Variants in FLYWCH1 observed in about 807,000 individuals in gnomAD.
FLYWCH1 encodes the protein FLYWCH-type zinc finger-containing protein 1.
A neutral mutation model predicts 66.4 loss-of-function variants in FLYWCH1; 75 were observed. The ratio of observed to expected loss-of-function variants is 1.13; its 90% CI spans 0.94 to 1.37. The LOEUF is 1.37. Ranked by LOEUF, FLYWCH1 falls within the 40% of genes most tolerant of loss-of-function variation. The pLI, the probability that FLYWCH1 is intolerant of heterozygous loss-of-function variation, is 0.00. For missense variants in FLYWCH1, 1,334 were observed against 1,001.8 expected, an observed-to-expected ratio of 1.33 and a Z score of -4.48; for synonymous variants, 595 against 429.9, an observed-to-expected ratio of 1.38 and a Z score of -4.75.
At chr16:2,935,319 G>A (rs1267617120) in intron 6 of FLYWCH1, 1 of 152,396 alleles carries the variant, frequency 6.6e-6, no homozygotes, top group Non-Finnish European at 1.5e-5. Flanking sequence ...TTCTCTGTGG[G>A]GTGGCAGCTG....
At chr16:2,942,296 C>T (rs768810803) in intron 9 of FLYWCH1, among the ~76,000 whole-genome samples, 24 of 151,922 alleles carry the variant, frequency 1.6e-4, no homozygotes, top group Non-Finnish European at 3.4e-4. Flanking sequence ...TACATGCACG[C>T]ACCACCACGC....
In FLYWCH1 at chr16:2,917,230, ATTT is replaced by A. The variant is rs112053820; in HGVS notation, c.-74+2955_-74+2957del. Among the ~76,000 whole-genome samples the A allele has an allele frequency of 1.4e-4, 18 of 131,702 alleles. No homozygotes were observed. In the South Asian group the frequency reaches 2.2e-3, roughly 16 times the overall value. The allele number at this position is 131,702 out of a possible 152,430, so 86.4% of individuals were successfully genotyped here. On this transcript the variant is annotated intron_variant, in intron 2 of 9. Coordinates refer to ENST00000253928, the MANE Select transcript of FLYWCH1 (RefSeq NM_001308068.2). ...ATAATACAAAGTAAGCTTGTTAATA[ATTT>A]TTTTTTTTTTTTTGAGATGGAGTTT...
intron 2 of FLYWCH1, among the ~76,000 whole-genome samples, chr16:2,926,195 T>C (rs932602528): frequency 9.2e-5 from 14 of 152,156 alleles, no homozygotes; most frequent in African/African-American, 3.4e-4. Flanking sequence ...CTATGCTATT[T>C]CAAACAATAG....
chr16:2,927,438 G>T (rs2070610780), intron 2 of FLYWCH1, among the ~76,000 whole-genome samples: 1 of 152,138 alleles, frequency 6.6e-6, no homozygotes, highest in African/African-American at 2.4e-5. Context: ...TAAACAATAT[G>T]GACCCAACTC....
At chr16:2,938,699 G>A (rs1394542672) in intron 8 of FLYWCH1, among the ~76,000 whole-genome samples, 5 of 89,266 alleles carry the variant, frequency 5.6e-5, no homozygotes, top group South Asian at 3.3e-4. Context: ...TGCAAGCTCC[G>A]CCTCCCGGGT....
chr16:2,939,114 C>G (rs1009387934), intron 8 of FLYWCH1, among the ~76,000 whole-genome samples: 1 of 152,096 alleles, frequency 6.6e-6, no homozygotes, highest in Non-Finnish European at 1.5e-5. Context: ...CACTGTCATT[C>G]ATGTGAATAT....
intron 2 of FLYWCH1, among the ~76,000 whole-genome samples, chr16:2,922,159 T>C (rs2070395983): frequency 1.3e-5 from 2 of 152,200 alleles, no homozygotes; most frequent in Admixed American, 6.5e-5. Context: ...ATCTACCTTG[T>C]AGGGAGAAGC....
chr16:2,917,432 T>C (rs1026832295), intron 2 of FLYWCH1, among the ~76,000 whole-genome samples: 1 of 151,788 alleles, frequency 6.6e-6, no homozygotes, highest in Non-Finnish European at 1.5e-5. Context: ...TTTTGCCATG[T>C]TGGTCAGGCT....
Position 2,933,277 on chromosome 16 carries a change from G to A in FLYWCH1, c.944G>A (p.Arg315Gln), listed in dbSNP as rs752593353. 23 of 1,612,594 alleles carry A rather than the reference G, an allele frequency of 1.4e-5. No homozygotes were observed. Among genetic ancestry groups the A allele is most frequent in the East Asian group, 6.7e-5 (3 of 44,804 alleles). ...RDHALHGCRS[R>Q]AITQGQRVTV... ...CACGCGCTGCACGGCTGCCGGAGCC[G>A]GGCCATCACCCAGGGACAGCGGGTG... Residue 315 changes from arginine (R) to glutamine (Q), a missense_variant, in exon 5 of 10, where the codon CGG becomes CAG. By Grantham distance (43) the Arg-to-Gln change is conservative. Coordinates refer to ENST00000253928, the MANE Select transcript of FLYWCH1 (RefSeq NM_001308068.2).
At chr16:2,945,965 C>G (rs2071469957) in intron 9 of FLYWCH1, among the ~76,000 whole-genome samples, 1 of 151,828 alleles carries the variant, frequency 6.6e-6, no homozygotes, top group Non-Finnish European at 1.5e-5. Flanking sequence ...ACACTGCACT[C>G]CAGCCTGGGC....
In FLYWCH1 at chr16:2,929,651, G is replaced by T. The variant is rs370976807; in HGVS notation, c.-35G>T. ...CACTCCAGGTTCCTTGCTGGGTGCT[G>T]AGCGTGGCCTGAGGGACAGGCCCTG... On this transcript the variant is annotated 5_prime_UTR_variant, in exon 3 of 10. Transcript: ENST00000253928. 1.3e-6 allele frequency: 2 copies of T among 1,588,268 alleles called. No homozygotes were observed. Among genetic ancestry groups the T allele is most frequent in the South Asian group, 1.1e-5 (1 of 88,198 alleles).
chr16:2,922,926 TG>T, intron 2 of FLYWCH1: 1 of 524,172 alleles, frequency 1.9e-6, no homozygotes, highest in Non-Finnish European at 3.8e-6. Context: ...TCGTTTCTCC[TG>T]GGGGCGCTCT....
At chr16:2,933,625 C>G (rs558111404) in intron 5 of FLYWCH1, 43 bp downstream of exon 5, 2 of 1,563,400 alleles carry the variant, frequency 1.3e-6, no homozygotes, top group African/African-American at 2.7e-5. Flanking sequence ...TGCCTTGACT[C>G]TTGCCTCCAG....
chr16:2,934,139 C>T (rs112011583), intron 6 of FLYWCH1, among the ~76,000 whole-genome samples, 160 bp downstream of exon 6: 1 of 152,182 alleles, frequency 6.6e-6, no homozygotes, highest in Admixed American at 6.5e-5. Context: ...CCTTGGCCCC[C>T]CTGATGCCGC....
At chr16:2,947,255 G>A (rs977358981) in intron 9 of FLYWCH1, among the ~76,000 whole-genome samples, 3 of 152,184 alleles carry the variant, frequency 2.0e-5, no homozygotes, top group Admixed American at 2.0e-4. Context: ...CTGTTCTTAC[G>A]AAATGCCCAG....
intron 2 of FLYWCH1, among the ~76,000 whole-genome samples, chr16:2,924,821 G>A (rs1239805823): frequency 1.3e-5 from 2 of 152,232 alleles, no homozygotes; most frequent in Non-Finnish European, 2.9e-5. Context: ...CCACAAGCCG[G>A]CGGTCAGGGC....
At chr16:2,928,226 GAGC>G (rs1310424645) in intron 2 of FLYWCH1, among the ~76,000 whole-genome samples, 5 of 152,274 alleles carry the variant, frequency 3.3e-5, no homozygotes, top group African/African-American at 1.2e-4. Flanking sequence ...TCCCAGGGAC[GAGC>G]AGGGGACAGA....
intron 1 of FLYWCH1, among the ~76,000 whole-genome samples, chr16:2,913,484 A>G (rs1049744818): frequency 3.9e-5 from 6 of 152,032 alleles, no homozygotes; most frequent in African/African-American, 1.2e-4. Flanking sequence ...CTCTTGGGCA[A>G]TTCTGCACCC....
rs2070705044 is a variant in FLYWCH1, at chr16:2,929,982, T to C, written c.297T>C (p.Pro99=). 3 of 1,607,814 alleles carry C rather than the reference T, an allele frequency of 1.9e-6. No homozygotes were observed. The highest frequency in any genetic ancestry group is 2.2e-5 in the South Asian group (2 of 91,018). ...TGGTCCAGCCAGCCCTAGAGATGCCTGAACAGAAGTGCAGCAAGCTGGATG... is the reference window on the plus strand; with the variant it reads ...TGGTCCAGCCAGCCCTAGAGATGCCCGAACAGAAGTGCAGCAAGCTGGATG... ...GGVVQPALEM[P]EQKCSKLDAA... is the part of the protein sequence containing the mutation. The change falls in exon 3 of 10, where the codon CCT becomes CCC. Residue 99 remains proline, a synonymous_variant. Coordinates refer to ENST00000253928, the MANE Select transcript of FLYWCH1 (RefSeq NM_001308068.2).
Sources: gnomAD v4.1 joint callset for allele counts (sites outside exome capture counted in the v4.1 genomes callset) on GRCh38, gnomAD v4.1.1 for gene constraint, MANE v1.5 for transcripts, NCBI Gene and HGNC (gene_info 2026-07-23, HGNC 2026-07-21) for gene names.